Variants in SAXO1 observed in about 807,000 individuals in gnomAD.
The protein encoded by SAXO1 is stabilizer of axonemal microtubules 1, also known as 4930500O09Rik.
SAXO1 carries 21 observed loss-of-function variants against 17.5 expected under a neutral mutation model. The observed-to-expected ratio is 1.20, with a 90% confidence interval of 0.85 to 1.72. The LOEUF is 1.72. Ranked by LOEUF, SAXO1 falls within the 40% of genes most tolerant of loss-of-function variation. The pLI is 0.00. For synonymous variants in SAXO1, 274 were observed against 216.5 expected (o/e 1.27, Z -2.33); for missense variants, 843 against 596.0 (o/e 1.41, Z -4.32).
At chr9:19,019,145 T>C (rs1228922951) in intron 1 of SAXO1, among the ~76,000 whole-genome samples, 1 of 152,102 alleles carries the variant, frequency 6.6e-6, no homozygotes, top group East Asian at 1.9e-4. Flanking sequence ...CTCTTAATTT[T>C]CTTGGTTTTT....
chr9:18,992,019 T>C (rs1273985515), intron 1 of SAXO1, among the ~76,000 whole-genome samples: 4 of 152,164 alleles, frequency 2.6e-5, no homozygotes, highest in Non-Finnish European at 5.9e-5. Flanking sequence ...TTAAGGTCTA[T>C]CCCAAAATGC....
intron 1 of SAXO1, among the ~76,000 whole-genome samples, chr9:18,995,153 C>A (rs996134061): frequency 1.3e-5 from 2 of 152,142 alleles, no homozygotes; most frequent in South Asian, 2.1e-4. Flanking sequence ...TTTCTCCCCC[C>A]AAAAATACCT....
chr9:18,954,224 G>T (rs1832152978), intron 1 of SAXO1, among the ~76,000 whole-genome samples: 3 of 152,174 alleles, frequency 2.0e-5, no homozygotes, highest in Non-Finnish European at 4.4e-5. Flanking sequence ...ACTTGGAAAA[G>T]AGAGTAGTAG....
intron 1 of SAXO1, chr9:19,026,956 C>T (rs954454698): frequency 9.3e-5 from 82 of 884,818 alleles, no homozygotes; most frequent in African/African-American, 1.8e-4. Flanking sequence ...AACATGTCCA[C>T]GGAGGAGATC....
At chr9:19,043,437 T>A (rs1474340281) in intron 1 of SAXO1, among the ~76,000 whole-genome samples, 1 of 151,596 alleles carries the variant, frequency 6.6e-6, no homozygotes, top group Non-Finnish European at 1.5e-5. Flanking sequence ...GTGGAGATGG[T>A]TAATAGGTAC....
At chr9:19,036,254 T>TAAAAAAAAAAAAAAAAAA (rs66796545), upstream of SAXO1, among the ~76,000 whole-genome samples, 1 of 119,752 alleles carries the variant, frequency 8.4e-6, no homozygotes, top group African/African-American at 2.7e-5. Flanking sequence ...TAAAGTATAA[T>TAAAAAAAAAAAAAAAAAA]AAAAAAAAAA....
intron 1 of SAXO1, among the ~76,000 whole-genome samples, chr9:18,981,783 C>G (rs1588475796): frequency 6.6e-6 from 1 of 152,110 alleles, no homozygotes; most frequent in Non-Finnish European, 1.5e-5. Flanking sequence ...AAAAACAAAA[C>G]AAAAGAAAAA....
chr9:18,960,093 C>T (rs965826322), intron 1 of SAXO1, among the ~76,000 whole-genome samples: 1 of 152,212 alleles, frequency 6.6e-6, no homozygotes, highest in African/African-American at 2.4e-5. Context: ...TACTGGAGAG[C>T]ACCTCATGGG....
intron 1 of SAXO1, among the ~76,000 whole-genome samples, chr9:19,008,885 G>A (rs988023450): frequency 1.3e-5 from 2 of 152,170 alleles, no homozygotes; most frequent in African/African-American, 4.8e-5. Context: ...CAGCATGCAT[G>A]CAACTTAGCA....
intron 1 of SAXO1, among the ~76,000 whole-genome samples, chr9:18,973,037 CTG>C (rs1833008853): frequency 6.6e-6 from 1 of 152,214 alleles, no homozygotes; most frequent in Non-Finnish European, 1.5e-5. Context: ...CCACCCCTGG[CTG>C]CACGGGGAGC....
rs143765423 is a variant in SAXO1 at position 19,013,935 on chromosome 9, C to T, written c.38+18936G>A. 3.5e-3 allele frequency among the ~76,000 whole-genome samples: 529 copies of T among 152,230 alleles called. 1 individual carries two copies. The highest frequency in any genetic ancestry group is 0.012 in the African/African-American group (504 of 41,542). On this transcript the variant is annotated intron_variant, in intron 1 of 3. Transcript: ENST00000380534. ...ATTTAGCAGGCACCCAGTTCGTGAGCTGGGCATGTTAGTCTGTAACAGAGT... is the reference window on the plus strand; with the variant it reads ...ATTTAGCAGGCACCCAGTTCGTGAGTTGGGCATGTTAGTCTGTAACAGAGT...
chr9:19,030,361 G>A (rs944052113), intron 1 of SAXO1, among the ~76,000 whole-genome samples: 53 of 152,134 alleles, frequency 3.5e-4, no homozygotes, highest in African/African-American at 1.2e-3. Flanking sequence ...GAATAAAAGG[G>A]AAGGGACCAA....
At chr9:19,036,764 C>T (rs1835951539), upstream of SAXO1, among the ~76,000 whole-genome samples, 2 of 152,104 alleles carry the variant, frequency 1.3e-5, no homozygotes, top group African/African-American at 4.8e-5. Flanking sequence ...TCTGCTAGGG[C>T]AATGTGAAAG....
Position 18,927,781 on chromosome 9 carries a change from C to T in SAXO1, c.*271G>A, listed in dbSNP as rs940371991. 2.8e-6 allele frequency: 1 copy of T among 361,024 alleles called. No individual in the cohort carries two copies. The highest frequency in any genetic ancestry group is 4.2e-5 in the Admixed American group (1 of 23,774). 22.4% of individuals were successfully genotyped at this position (361,024 alleles called of 1,614,324 possible). ...CTGGATCAGAGAAACCCTCACAGAC[C>T]AACTTTGATTCCATAAGCACAAAGT... On this transcript the variant is annotated 3_prime_UTR_variant, in exon 4 of 4. Transcript: ENST00000380534.
chr9:19,046,082 C>CAAAAAA (rs57919139), intron 1 of SAXO1, among the ~76,000 whole-genome samples: 178 of 55,224 alleles, frequency 3.2e-3, no homozygotes, highest in Non-Finnish European at 4.5e-3. Context: ...AACTCCGTCT[C>CAAAAAA]AAAAAAAAAA....
Position 18,950,899 on chromosome 9 carries a change from T to C in SAXO1, c.77A>G (p.Asp26Gly). 4 of 1,613,244 alleles carry C rather than the reference T, an allele frequency of 2.5e-6. No homozygotes were observed. The highest frequency in any genetic ancestry group is 3.4e-6 in the Non-Finnish European group (4 of 1,179,676). Residue 26 changes from aspartate (D) to glycine (G), a missense_variant, in exon 2 of 4, where the codon GAT becomes GGT. Asp to Gly is a moderately conservative substitution (Grantham distance 94, BLOSUM62 -1). Coordinates refer to ENST00000380534, the MANE Select transcript of SAXO1 (RefSeq NM_153707.4). ...GAGAAGACATGGTTTCTCTGTTTTA[T>C]CATAAATCTTGGTAGGGAGATGTGG... is the stretch of plus-strand genomic sequence containing the variant. ...HCPHLPTKIYDKTEKPCLLSE... is the reference protein window; with the variant it reads ...HCPHLPTKIYGKTEKPCLLSE...
At chr9:18,939,731 G>T (rs749369433) in intron 3 of SAXO1, among the ~76,000 whole-genome samples, 2 of 152,092 alleles carry the variant, frequency 1.3e-5, no homozygotes, top group African/African-American at 4.8e-5. Context: ...AAAGGTTTGG[G>T]TTTTTATCGT....
intron 1 of SAXO1, among the ~76,000 whole-genome samples, chr9:18,999,152 C>T (rs547824188): frequency 6.6e-6 from 1 of 152,364 alleles, no homozygotes; most frequent in African/African-American, 2.4e-5. Context: ...TTAAAAGACA[C>T]AGACTGGCAA....
chr9:19,040,774 C>T (rs968795730), intron 1 of SAXO1, among the ~76,000 whole-genome samples: 1 of 151,956 alleles, frequency 6.6e-6, no homozygotes, highest in East Asian at 1.9e-4. Context: ...CCAGCAGTTG[C>T]CTGGGTCTCA....
Sources: allele counts gnomAD v4.1 joint callset (sites outside exome capture counted in the v4.1 genomes callset), GRCh38; gene constraint gnomAD v4.1.1; transcripts MANE v1.5; gene names NCBI Gene and HGNC (gene_info 2026-07-23, HGNC 2026-07-21).